Variants in SOWAHD observed in about 807,000 individuals in gnomAD.
The protein encoded by SOWAHD is ankyrin repeat domain-containing protein SOWAHD.
For synonymous variants in SOWAHD, 142 were observed against 147.2 expected (o/e 0.96, Z 0.26); for missense variants, 295 against 297.7 (o/e 0.99, Z 0.07).
chrX:119,758,790 G>T lies in SOWAHD; in HGVS notation c.123G>T (p.Arg41Ser). 1 of 1,167,325 alleles carries T rather than the reference G, an allele frequency of 8.6e-7. No individual in the cohort carries two copies. Among genetic ancestry groups the T allele is most frequent in the Non-Finnish European group, 1.1e-6 (1 of 880,161 alleles). ...GAGCGGACACTGGTAGCCTGGGCAG[G>T]TACTGGGGCAAAGCCGCAGCCGCCG... ...PSRADTGSLG[R>S]YWGKAAAAAS... Residue 41 changes from arginine (R) to serine (S), a missense_variant, in exon 1 of 1, where the codon AGG becomes AGT. Coordinates refer to ENST00000343905, the MANE Select transcript of SOWAHD (RefSeq NM_001105576.3).
Position 119,759,441 on chromosome X carries a change from C to G in SOWAHD, c.774C>G (p.Asn258Lys). The G allele has an allele frequency of 8.3e-7, 1 of 1,201,425 alleles. No homozygotes were observed. The highest frequency in any genetic ancestry group is 1.1e-6 in the Non-Finnish European group (1 of 890,229). The change falls in exon 1 of 1, where the codon AAC (asparagine) becomes AAG (lysine). Residue 258 changes from asparagine to lysine, a missense_variant. Transcript: ENST00000343905. Reference sequence around the variant, plus strand: ...GCAGCGGGTGCACCAACCTGAACAACAACAGCAGTGGCACCACTGCGTGGA... The same window carrying G: ...GCAGCGGGTGCACCAACCTGAACAAGAACAGCAGTGGCACCACTGCGTGGA... ...ESGSGCTNLNNNSSGTTAWRA... is the reference protein window; with the variant it reads ...ESGSGCTNLNKNSSGTTAWRA...
In SOWAHD at chrX:119,760,065, A is replaced by C; in HGVS notation, c.*450A>C. ...CTCTGCCGGCCTCGCTCGGCCATTA[A>C]TGGGTCTTGGGGTGCGGGTAGAGTC... is the stretch of plus-strand genomic sequence containing the variant. On this transcript the variant is annotated 3_prime_UTR_variant, in exon 1 of 1. Coordinates refer to ENST00000343905, the MANE Select transcript of SOWAHD (RefSeq NM_001105576.3). The C allele has an allele frequency of 7.5e-6, 1 of 133,182 alleles. No homozygotes were observed. The allele number at this position is 133,182 out of a possible 1,213,427, so 11.0% of individuals were successfully genotyped here. A position where few individuals can be genotyped will look rare whatever the true frequency, so the allele number is the denominator to read the frequency against.
rs779500921 is a variant in SOWAHD at position 119,759,154 on chromosome X, G to A, written c.487G>A (p.Glu163Lys). 3 of 1,187,473 alleles carry A rather than the reference G, an allele frequency of 2.5e-6. No homozygotes were observed. In the East Asian group the frequency reaches 9.1e-5, roughly 36 times the overall value. ...GCTGGCCAAGCACGGGCGCCACGAGGAGCTCATTCTGGTACACGATTTCGC... is the reference window on the plus strand; with the variant it reads ...GCTGGCCAAGCACGGGCGCCACGAGAAGCTCATTCTGGTACACGATTTCGC... ...HWLAKHGRHEELILVHDFALR... is the reference protein window; with the variant it reads ...HWLAKHGRHEKLILVHDFALR... Residue 163 changes from glutamate to lysine, a missense_variant, in exon 1 of 1, where the codon GAG (glutamate) becomes AAG (lysine). Glu to Lys is a moderately conservative substitution (Grantham distance 56). Transcript: ENST00000343905.
rs1174340381 is a variant in SOWAHD, at chrX:119,759,725, C to T, written c.*110C>T. On this transcript the variant is annotated 3_prime_UTR_variant, in exon 1 of 1. Transcript: ENST00000343905. ...AGAGGCGCCTTGGACGCTGCTTGGG[C>T]CTGCAAGGAACAGAACACGTCGGGG... The T allele has an allele frequency of 3.7e-6, 3 of 817,890 alleles. No homozygotes were observed. Among genetic ancestry groups the T allele is most frequent in the Non-Finnish European group, 5.0e-6 (3 of 604,496 alleles). 67.4% of individuals were successfully genotyped at this position (817,890 alleles called of 1,213,427 possible). A position where few individuals can be genotyped will look rare whatever the true frequency, so the allele number is the denominator to read the frequency against.
In SOWAHD at chrX:119,759,854, T is replaced by G; in HGVS notation, c.*239T>G. The G allele has an allele frequency of 3.2e-6, 1 of 310,011 alleles. No individual in the cohort carries two copies. Among genetic ancestry groups the G allele is most frequent in the Non-Finnish European group, 5.8e-6 (1 of 171,934 alleles). The allele number at this position is 310,011 out of a possible 1,213,427, so 25.5% of individuals were successfully genotyped here. On this transcript the variant is annotated 3_prime_UTR_variant, in exon 1 of 1. Coordinates refer to ENST00000343905, the MANE Select transcript of SOWAHD (RefSeq NM_001105576.3). ...GAGAGAGTGAAGGACCAAGCTGGCC[T>G]GGCTCCGAGTTCCAAAGCTACAGGA...
chrX:119,758,884 G>A lies in SOWAHD; in HGVS notation c.217G>A (p.Ala73Thr). 1.8e-6 allele frequency: 2 copies of A among 1,096,073 alleles called. No homozygotes were observed. The highest frequency in any genetic ancestry group is 1.2e-6 in the Non-Finnish European group (1 of 847,600). The allele number at this position is 1,096,073 out of a possible 1,213,427, so 90.3% of individuals were successfully genotyped here. A position where few individuals can be genotyped will look rare whatever the true frequency, so the allele number is the denominator to read the frequency against. The change falls in exon 1 of 1, where the codon GCG (alanine) becomes ACG (threonine). Residue 73 changes from alanine to threonine, a missense_variant. By Grantham distance (58) the Ala-to-Thr change is moderately conservative (BLOSUM62 0). Transcript: ENST00000343905. ...SAAGSGRRRG[A>T]LRELLGLQRA... ...AGCGGGCTCAGGGCGCCGGCGGGGAGCGCTGCGGGAACTGCTGGGGCTGCA... is the reference window on the plus strand; with the variant it reads ...AGCGGGCTCAGGGCGCCGGCGGGGAACGCTGCGGGAACTGCTGGGGCTGCA...
At position 119,759,680 on chromosome X, in the gene SOWAHD, G is replaced by T; in HGVS notation, c.*65G>T. The stretch of plus-strand genomic sequence containing the variant: ...TGTGGCGATGGCTAGGTCCTGGGTT[G>T]TCCCGGGTTCCACCGAAGGAGAGGC... On this transcript the variant is annotated 3_prime_UTR_variant, in exon 1 of 1. Transcript: ENST00000343905. 9.6e-7 allele frequency: 1 copy of T among 1,040,843 alleles called. No individual in the cohort carries two copies. Among genetic ancestry groups the T allele is most frequent in the Non-Finnish European group, 1.3e-6 (1 of 792,845 alleles). 85.8% of individuals were successfully genotyped at this position (1,040,843 alleles called of 1,213,427 possible).
chrX:119,759,215 C>A lies in SOWAHD; in HGVS notation c.548C>A (p.Pro183Gln), dbSNP rs1023819490. Residue 183 changes from proline (P) to glutamine (Q), a missense_variant, in exon 1 of 1, where the codon CCA becomes CAA. Pro to Gln is a moderately conservative substitution (Grantham distance 76). Coordinates refer to ENST00000343905, the MANE Select transcript of SOWAHD (RefSeq NM_001105576.3). ...RRGLRLDVSA[P>Q]GSGGLTPLHL... Reference sequence around the variant, plus strand: ...GGGCTGAGGCTCGACGTGAGCGCCCCAGGCAGCGGCGGCCTCACGCCCCTC... The same window carrying A: ...GGGCTGAGGCTCGACGTGAGCGCCCAAGGCAGCGGCGGCCTCACGCCCCTC... The A allele has an allele frequency of 5.7e-5, 68 of 1,183,079 alleles. No homozygotes were observed. Among genetic ancestry groups the A allele is most frequent in the Non-Finnish European group, 7.2e-5 (64 of 883,837 alleles).
At position 119,758,706 on chromosome X, in the gene SOWAHD, G is replaced by A; in HGVS notation, c.39G>A (p.Thr13=). 1 of 1,152,610 alleles carries A rather than the reference G, an allele frequency of 8.7e-7. No homozygotes were observed. The highest frequency in any genetic ancestry group is 1.9e-5 in the South Asian group (1 of 51,627). 95.0% of individuals were successfully genotyped at this position (1,152,610 alleles called of 1,213,427 possible). ...QLGGAANRAP[T]ASLAPTSQSL... is the part of the protein sequence containing the mutation. ...GAGGGGCCGCGAACCGGGCACCCAC[G>A]GCCTCTCTCGCGCCGACCTCGCAGA... The change falls in exon 1 of 1, where the codon ACG becomes ACA. Residue 13 remains threonine (T), a synonymous_variant. Coordinates refer to ENST00000343905, the MANE Select transcript of SOWAHD (RefSeq NM_001105576.3).
rs770313666 is a variant in SOWAHD, at chrX:119,759,612, T to C, written c.945T>C (p.Arg315=). The change falls in exon 1 of 1, where the codon CGT becomes CGC. Residue 315 remains arginine (R), a synonymous_variant. Coordinates refer to ENST00000343905, the MANE Select transcript of SOWAHD (RefSeq NM_001105576.3). ...ATCTGTTCCCCTCATTCCAGGACCGTTGACAGGGACAGAGACTGGAGAGCT... is the reference window on the plus strand; with the variant it reads ...ATCTGTTCCCCTCATTCCAGGACCGCTGACAGGGACAGAGACTGGAGAGCT... ...FRHLFPSFQD[R] The C allele has an allele frequency of 1.0e-5, 12 of 1,149,734 alleles. No homozygotes were observed. The African/African-American group carries it at 2.0e-4, about 19-fold the overall frequency. The allele number at this position is 1,149,734 out of a possible 1,213,427, so 94.8% of individuals were successfully genotyped here.
rs1356793350 is a variant in SOWAHD, at chrX:119,759,726, C to T, written c.*111C>T. ...GAGGCGCCTTGGACGCTGCTTGGGC[C>T]TGCAAGGAACAGAACACGTCGGGGT... On this transcript the variant is annotated 3_prime_UTR_variant, in exon 1 of 1. Transcript: ENST00000343905. 2 of 796,839 alleles carry T rather than the reference C, an allele frequency of 2.5e-6. No individual in the cohort carries two copies. The highest frequency in any genetic ancestry group is 2.2e-5 in the African/African-American group (1 of 45,878). The allele number at this position is 796,839 out of a possible 1,213,427, so 65.7% of individuals were successfully genotyped here.
rs903993581 is a variant in SOWAHD, at chrX:119,758,882, G to A, written c.215G>A (p.Gly72Glu). The change falls in exon 1 of 1, where the codon GGA becomes GAA. Residue 72 changes from glycine to glutamate, a missense_variant. Gly to Glu is a moderately conservative substitution (Grantham distance 98). Coordinates refer to ENST00000343905, the MANE Select transcript of SOWAHD (RefSeq NM_001105576.3). The part of the protein sequence containing the change: ...HSAAGSGRRR[G>E]ALRELLGLQR... ...GCAGCGGGCTCAGGGCGCCGGCGGG[G>A]AGCGCTGCGGGAACTGCTGGGGCTG... is the stretch of plus-strand genomic sequence containing the variant. The A allele has an allele frequency of 2.7e-6, 3 of 1,095,627 alleles. No homozygotes were observed. The highest frequency in any genetic ancestry group is 3.4e-5 in the Admixed American group (1 of 29,281). The allele number at this position is 1,095,627 out of a possible 1,213,427, so 90.3% of individuals were successfully genotyped here.
chrX:119,759,825 C>T lies in SOWAHD; in HGVS notation c.*210C>T. 2.9e-6 allele frequency: 1 copy of T among 341,458 alleles called. No individual in the cohort carries two copies. The highest frequency in any genetic ancestry group is 5.1e-6 in the Non-Finnish European group (1 of 194,914). The allele number at this position is 341,458 out of a possible 1,213,427, so 28.1% of individuals were successfully genotyped here. ...ACCCGGGGACTCGGGCACCACCTCA[C>T]CAAGAGAGAGTGAAGGACCAAGCTG... On this transcript the variant is annotated 3_prime_UTR_variant, in exon 1 of 1. Coordinates refer to ENST00000343905, the MANE Select transcript of SOWAHD (RefSeq NM_001105576.3).
chrX:119,758,604 T>C lies in SOWAHD; in HGVS notation c.-64T>C, dbSNP rs776615918. ...AACGCCAGCGCCAGTTCCTCTCCCGTTGGGGCCCGGGAAGGGCAGCTAACG... is the reference window on the plus strand; with the variant it reads ...AACGCCAGCGCCAGTTCCTCTCCCGCTGGGGCCCGGGAAGGGCAGCTAACG... On this transcript the variant is annotated 5_prime_UTR_variant, in exon 1 of 1. Coordinates refer to ENST00000343905, the MANE Select transcript of SOWAHD (RefSeq NM_001105576.3). 1.0e-5 allele frequency: 10 copies of C among 982,586 alleles called. No homozygotes were observed. In the East Asian group the frequency reaches 4.3e-4, roughly 42 times the overall value. 81.0% of individuals were successfully genotyped at this position (982,586 alleles called of 1,213,427 possible). A position where few individuals can be genotyped will look rare whatever the true frequency, so the allele number is the denominator to read the frequency against.
Position 119,759,248 on chromosome X carries a change from C to A in SOWAHD, c.581C>A (p.Ala194Glu). 8.4e-7 allele frequency: 1 copy of A among 1,185,795 alleles called. No individual in the cohort carries two copies. The highest frequency in any genetic ancestry group is 1.1e-6 in the Non-Finnish European group (1 of 884,970). Residue 194 changes from alanine to glutamate, a missense_variant, in exon 1 of 1, where the codon GCG (alanine) becomes GAG (glutamate). By Grantham distance (107) the Ala-to-Glu change is moderately radical. Coordinates refer to ENST00000343905, the MANE Select transcript of SOWAHD (RefSeq NM_001105576.3). The stretch of plus-strand genomic sequence containing the variant: ...GGCGGCCTCACGCCCCTCCACCTGG[C>A]GGCCCTTCAGGGCCACGACATGGTC... Reference protein sequence around the residue: ...GSGGLTPLHLAALQGHDMVIK... With the variant: ...GSGGLTPLHLEALQGHDMVIK...
In SOWAHD at chrX:119,760,053, G is replaced by C. The variant is rs752087577; in HGVS notation, c.*438G>C. 78 of 134,504 alleles carry C rather than the reference G, an allele frequency of 5.8e-4. No individual in the cohort carries two copies. Among genetic ancestry groups the C allele is most frequent in the Middle Eastern group, 3.7e-3 (1 of 269 alleles). The allele number at this position is 134,504 out of a possible 1,213,427, so 11.1% of individuals were successfully genotyped here. On this transcript the variant is annotated 3_prime_UTR_variant, in exon 1 of 1. Coordinates refer to ENST00000343905, the MANE Select transcript of SOWAHD (RefSeq NM_001105576.3). ...GAAAACGCCTAACTCTGCCGGCCTC[G>C]CTCGGCCATTAATGGGTCTTGGGGT...
chrX:119,758,789 G>C lies in SOWAHD; in HGVS notation c.122G>C (p.Arg41Thr), dbSNP rs1422605895. ...PSRADTGSLGRYWGKAAAAAS... is the reference protein window; with the variant it reads ...PSRADTGSLGTYWGKAAAAAS... ...AGAGCGGACACTGGTAGCCTGGGCA[G>C]GTACTGGGGCAAAGCCGCAGCCGCC... The change falls in exon 1 of 1, where the codon AGG (arginine) becomes ACG (threonine). Residue 41 changes from arginine to threonine, a missense_variant. Coordinates refer to ENST00000343905, the MANE Select transcript of SOWAHD (RefSeq NM_001105576.3). 3 of 1,167,784 alleles carry C rather than the reference G, an allele frequency of 2.6e-6. No individual in the cohort carries two copies.
At position 119,758,982 on chromosome X, in the gene SOWAHD, C is replaced by T. The variant is rs1198929114; in HGVS notation, c.315C>T (p.Ser105=). The T allele has an allele frequency of 8.8e-7, 1 of 1,133,263 alleles. No homozygotes were observed. The allele number at this position is 1,133,263 out of a possible 1,213,427, so 93.4% of individuals were successfully genotyped here. The change falls in exon 1 of 1, where the codon AGC becomes AGT. Residue 105 remains serine, a synonymous_variant. Coordinates refer to ENST00000343905, the MANE Select transcript of SOWAHD (RefSeq NM_001105576.3). ...EELGGPSGPG[S]SRLCLEPREH... Reference sequence around the variant, plus strand: ...TGGGCGGGCCGAGTGGGCCGGGCAGCAGCAGGCTGTGCCTGGAACCGCGGG... The same window carrying T: ...TGGGCGGGCCGAGTGGGCCGGGCAGTAGCAGGCTGTGCCTGGAACCGCGGG...
chrX:119,759,269 T>C lies in SOWAHD; in HGVS notation c.602T>C (p.Met201Thr), dbSNP rs1290913196. The stretch of plus-strand genomic sequence containing the variant: ...CTGGCGGCCCTTCAGGGCCACGACA[T>C]GGTCATCAAGGTGCTGGTGGGCGCC... Reference protein sequence around the residue: ...LHLAALQGHDMVIKVLVGALG... With the variant: ...LHLAALQGHDTVIKVLVGALG... The change falls in exon 1 of 1, where the codon ATG (methionine) becomes ACG (threonine). Residue 201 changes from methionine (M) to threonine (T), a missense_variant. Coordinates refer to ENST00000343905, the MANE Select transcript of SOWAHD (RefSeq NM_001105576.3). 1.7e-6 allele frequency: 2 copies of C among 1,194,875 alleles called. No homozygotes were observed. Among genetic ancestry groups the C allele is most frequent in the Non-Finnish European group, 2.3e-6 (2 of 888,864 alleles).
Sources: allele counts gnomAD v4.1 joint callset, GRCh38; gene constraint gnomAD v4.1.1; transcripts MANE v1.5; gene names NCBI Gene and HGNC (gene_info 2026-07-23, HGNC 2026-07-21).